The following SORCS1 variants were observed in gnomAD, a reference collection of about 807,000 sequenced individuals.
SORCS1 encodes VPS10 domain-containing receptor SorCS1.
Under a neutral mutation model 146.1 loss-of-function variants are expected in SORCS1, and 60 were observed. That is an observed-to-expected ratio of 0.41 (90% CI 0.33 to 0.51). SORCS1 has a LOEUF of 0.51. Among genes scored for constraint, SORCS1 ranks in the 20% least tolerant of loss-of-function variants. The pLI, the probability that SORCS1 is intolerant of heterozygous loss-of-function variation, is 0.21. For synonymous variants in SORCS1, 637 were observed against 584.0 expected, an observed-to-expected ratio of 1.09 and a Z score of -1.31; for missense variants, 1,352 against 1,487.6, an observed-to-expected ratio of 0.91 and a Z score of 1.50.
At chr10:106,866,028 G>A (rs1227607579) in intron 2 of SORCS1, among the ~76,000 whole-genome samples, 7 of 144,964 alleles carry the variant, frequency 4.8e-5, no homozygotes, top group African/African-American at 1.8e-4. Flanking sequence ...ATGAGATTCC[G>A]TCTCAAAAAA....
chr10:107,016,051 C>T (rs915935313), intron 1 of SORCS1, among the ~76,000 whole-genome samples: 5 of 152,000 alleles, frequency 3.3e-5, no homozygotes, highest in African/African-American at 1.2e-4. Context: ...ATTGGCCGAG[C>T]AGGTTTAAGA....
At chr10:106,925,479 C>A (rs1433902818) in intron 2 of SORCS1, among the ~76,000 whole-genome samples, 1 of 152,166 alleles carries the variant, frequency 6.6e-6, no homozygotes, top group Admixed American at 6.5e-5. Context: ...TAAGAGGTGG[C>A]CCCTCCTGAT....
At position 106,881,115 on chromosome 10, in the gene SORCS1, C is replaced by T. The variant is rs965566985; in HGVS notation, c.627-51442G>A. Among the ~76,000 whole-genome samples the T allele has an allele frequency of 8.0e-5, 12 of 150,788 alleles. 1 individual carries two copies. The highest frequency in any genetic ancestry group is 2.7e-4 in the African/African-American group (11 of 41,022). ...AAAAAAAAAGAAGCAGAATAAATCTCCTCAAAGGACATGACAAAGAGCAAT... is the reference window on the plus strand; with the variant it reads ...AAAAAAAAAGAAGCAGAATAAATCTTCTCAAAGGACATGACAAAGAGCAAT... On this transcript the variant is annotated intron_variant, in intron 2 of 25. Transcript: ENST00000263054.
intron 1 of SORCS1, among the ~76,000 whole-genome samples, chr10:107,019,928 C>G (rs187484452): frequency 6.6e-6 from 1 of 152,102 alleles, no homozygotes; most frequent in African/African-American, 2.4e-5. Flanking sequence ...CTCTGGGGCC[C>G]CAAGGAAGGA....
At chr10:106,946,204 C>G (rs1014661584) in intron 2 of SORCS1, among the ~76,000 whole-genome samples, 2 of 114,610 alleles carry the variant, frequency 1.7e-5, no homozygotes, top group African/African-American at 5.2e-5. Flanking sequence ...CATTTCATAA[C>G]ATACTCTTCA....
intron 10 of SORCS1, among the ~76,000 whole-genome samples, chr10:106,687,805 A>G (rs2135629182): frequency 6.6e-6 from 1 of 152,338 alleles, no homozygotes; most frequent in East Asian, 1.9e-4. Flanking sequence ...CTCTGCATTC[A>G]GTTCATCAAC....
chr10:106,996,183 C>T (rs12412289), intron 1 of SORCS1, among the ~76,000 whole-genome samples: 2,088 of 147,642 alleles, frequency 0.014, 24 homozygotes, highest in Admixed American at 0.026. Flanking sequence ...GCCAAGACTG[C>T]GCCACTGTAC....
intron 1 of SORCS1, among the ~76,000 whole-genome samples, chr10:107,032,414 T>A (rs1415976536): frequency 6.6e-6 from 1 of 152,182 alleles, no homozygotes; most frequent in African/African-American, 2.4e-5. Context: ...CTTACCTGCA[T>A]TTTTTTCCTT....
intron 24 of SORCS1, among the ~76,000 whole-genome samples, chr10:106,584,879 T>C (rs1320410399): frequency 6.6e-6 from 1 of 152,086 alleles, no homozygotes; most frequent in Non-Finnish European, 1.5e-5. Flanking sequence ...CCAACCATCA[T>C]CATAATAAAC....
chr10:107,054,983 TAGTC>T (rs1435133134), intron 1 of SORCS1, among the ~76,000 whole-genome samples: 1 of 152,174 alleles, frequency 6.6e-6, no homozygotes, highest in Non-Finnish European at 1.5e-5. Flanking sequence ...GCCCATCAGA[TAGTC>T]AGAGACACAG....
At chr10:107,136,091 G>T (rs1967273412) in intron 1 of SORCS1, among the ~76,000 whole-genome samples, 1 of 151,774 alleles carries the variant, frequency 6.6e-6, no homozygotes, top group South Asian at 2.1e-4. Flanking sequence ...GGTGGCCCTT[G>T]TTTAGTAGTA....
chr10:107,163,878 C>G, intron 1 of SORCS1, 91 bp downstream of exon 1: 3 of 1,418,496 alleles, frequency 2.1e-6, no homozygotes, highest in Non-Finnish European at 2.9e-6. Flanking sequence ...TCCAGAAACC[C>G]TATTTCCCCC....
intron 1 of SORCS1, among the ~76,000 whole-genome samples, chr10:107,067,851 A>C (rs535306037): frequency 6.6e-6 from 1 of 152,348 alleles, no homozygotes. Context: ...TATTTGTTAA[A>C]TAAATAAATA....
At chr10:106,814,215 A>T (rs2136833531) in intron 3 of SORCS1, among the ~76,000 whole-genome samples, 1 of 152,280 alleles carries the variant, frequency 6.6e-6, no homozygotes, top group African/African-American at 2.4e-5. Flanking sequence ...AAGCTGAATT[A>T]TTTTACATAA....
intron 1 of SORCS1, among the ~76,000 whole-genome samples, chr10:107,139,558 A>C (rs1967622971): frequency 6.6e-6 from 1 of 152,108 alleles, no homozygotes; most frequent in Non-Finnish European, 1.5e-5. Flanking sequence ...GAGGGGAAAA[A>C]ACAGACAGCA....
chr10:107,148,109 G>A (rs1245852291), intron 1 of SORCS1, among the ~76,000 whole-genome samples: 1 of 152,202 alleles, frequency 6.6e-6, no homozygotes, highest in Non-Finnish European at 1.5e-5. Context: ...CTTTGTGACT[G>A]GAAGTCTACA....
chr10:107,049,360 G>A (rs188463378), intron 1 of SORCS1, among the ~76,000 whole-genome samples: 10 of 151,484 alleles, frequency 6.6e-5, no homozygotes, highest in African/African-American at 2.4e-4. Context: ...CATGGCACAT[G>A]TATACATATG....
chr10:106,620,278 G>T (rs1413413402), intron 20 of SORCS1, 150 bp downstream of exon 20: 4 of 880,892 alleles, frequency 4.5e-6, no homozygotes, highest in Admixed American at 3.1e-5. Context: ...ACATAATGAT[G>T]AGATACTTGA....
chr10:106,595,374 T>C lies in SORCS1; in HGVS notation c.3265+1977A>G, dbSNP rs115967492. Among the ~76,000 whole-genome samples, 139 of 152,248 alleles carry C rather than the reference T, an allele frequency of 9.1e-4. 2 individuals carry two copies. The highest frequency in any genetic ancestry group is 3.0e-3 in the African/African-American group (126 of 41,550). On this transcript the variant is annotated intron_variant, in intron 24 of 25. Transcript: ENST00000263054. ...ATGTGCCCTACTCAATCCTCCTTGC[T>C]CCTTACACTCATCTTTTTCAAGGAA...
Sources: gnomAD v4.1 joint callset for allele counts (sites outside exome capture counted in the v4.1 genomes callset) on GRCh38, gnomAD v4.1.1 for gene constraint, MANE v1.5 for transcripts, NCBI Gene and HGNC (gene_info 2026-07-23, HGNC 2026-07-21) for gene names.